PSTK: variants seen among roughly 807,000 people sequenced by gnomAD.
PSTK encodes the protein phosphoseryl-tRNA kinase.
PSTK carries 26 observed loss-of-function variants against 38.6 expected under a neutral mutation model. The observed-to-expected ratio is 0.67, with a 90% CI of 0.49 to 0.94. PSTK has a LOEUF of 0.94. Ranked by LOEUF, PSTK falls within the 40% of genes least tolerant of loss-of-function variation. PSTK has a pLI of 0.00. For missense variants in PSTK, 445 were observed against 436.3 expected, an observed-to-expected ratio of 1.02 and a Z score of -0.18; for synonymous variants, 181 against 161.7, an observed-to-expected ratio of 1.12 and a Z score of -0.91.
chr10:122,986,930 G>T lies in PSTK; in HGVS notation c.845G>T (p.Arg282Met), dbSNP rs1849042080. 6.2e-7 allele frequency: 1 copy of T among 1,612,608 alleles called. No individual in the cohort carries two copies. Among genetic ancestry groups the T allele is most frequent in the Non-Finnish European group, 8.5e-7 (1 of 1,178,866 alleles). The stretch of plus-strand genomic sequence containing the variant: ...CATAAAACTGATCAGACACTCCGAA[G>T]GATTGTATCTCAGACAATGAAGGAA... The part of the protein sequence containing the change: ...ILHKTDQTLR[R>M]IVSQTMKEAK... The change falls in exon 5 of 6, where the codon AGG (arginine) becomes ATG (methionine). Residue 282 changes from arginine to methionine, a missense_variant. Arg to Met is a moderately conservative substitution (Grantham distance 91). Coordinates refer to ENST00000406217, the MANE Select transcript of PSTK (RefSeq NM_001363531.2).
At position 122,980,852 on chromosome 10, in the gene PSTK, C is replaced by A. The variant is rs1848951334; in HGVS notation, c.216+157C>A. 1.0e-6 allele frequency: 1 copy of A among 980,722 alleles called. No homozygotes were observed. Among genetic ancestry groups the A allele is most frequent in the Non-Finnish European group, 1.2e-6 (1 of 825,788 alleles). 60.8% of individuals were successfully genotyped at this position (980,722 alleles called of 1,614,324 possible). A position where few individuals can be genotyped will look rare whatever the true frequency, so the allele number is the denominator to read the frequency against. ...TTCGAGAAAAGTGGAGCTGGGTTAA[C>A]ATAGTTACTGCAGAGGGTGAATGCG... is the stretch of plus-strand genomic sequence containing the variant. On this transcript the variant is annotated intron_variant, in intron 1 of 5. Transcript: ENST00000406217. The surrounding 1 kb of genome is among the most constrained non-coding windows in gnomAD (Gnocchi z 4.3).
At position 122,982,759 on chromosome 10, in the gene PSTK, G is replaced by A; in HGVS notation, c.243G>A (p.Gln81=). 3 of 1,614,194 alleles carry A rather than the reference G, an allele frequency of 1.9e-6. No individual in the cohort carries two copies. The highest frequency in any genetic ancestry group is 2.5e-6 in the Non-Finnish European group (3 of 1,180,018). ...CATCCCAATGGAAATTGCTTCGACA[G>A]GAACTGTTGAAGTACCTGGAATACT... The part of the protein sequence containing the change: ...PAPSQWKLLR[Q]ELLKYLEYFL... Residue 81 remains glutamine (Q), a synonymous_variant, in exon 2 of 6, where the codon CAG becomes CAA. Coordinates refer to ENST00000406217, the MANE Select transcript of PSTK (RefSeq NM_001363531.2).
chr10:122,988,288 A>G (rs1366269884), intron 5 of PSTK, among the ~76,000 whole-genome samples: 1 of 152,180 alleles, frequency 6.6e-6, no homozygotes, highest in Non-Finnish European at 1.5e-5. Flanking sequence ...TTTTCTGTCT[A>G]TAAAATGAAG....
In PSTK at chr10:122,986,955, A is replaced by C. The variant is rs779866177; in HGVS notation, c.870A>C (p.Glu290Asp). The C allele has an allele frequency of 6.2e-7, 1 of 1,604,226 alleles. No individual in the cohort carries two copies. Among genetic ancestry groups the C allele is most frequent in the South Asian group, 1.1e-5 (1 of 90,780 alleles). Residue 290 changes from glutamate (E) to aspartate (D), a missense_variant, in exon 5 of 6, where the codon GAA (glutamate) becomes GAC (aspartate). Transcript: ENST00000406217. ...LRRIVSQTMKEAKDEQVLPHN... is the reference protein window; with the variant it reads ...LRRIVSQTMKDAKDEQVLPHN... The stretch of plus-strand genomic sequence containing the variant: ...GGATTGTATCTCAGACAATGAAGGA[A>C]GCAAAAGGTATGATGTGTCAGTTAT...
intron 4 of PSTK, 95 bp from the exon 5 acceptor site, chr10:122,986,774 T>C (rs966871066): frequency 2.6e-6 from 2 of 780,764 alleles, no homozygotes; most frequent in Admixed American, 5.8e-5. Flanking sequence ...GCTTAAACTT[T>C]TCTTTTAGTC....
rs757513150 is a variant in PSTK at position 122,986,378 on chromosome 10, A to C, written c.783+3A>C. 7.5e-6 allele frequency: 12 copies of C among 1,590,870 alleles called. No homozygotes were observed. Among genetic ancestry groups the C allele is most frequent in the African/African-American group, 1.3e-5 (1 of 74,446 alleles). ...CTGAGGACAATATGGAACAAAAGGT[A>C]AACTTCCAGTGTAAATTTAATGTAA... On this transcript the variant is annotated splice_donor_region_variant and intron_variant, in intron 4 of 5. Transcript: ENST00000406217.
At position 122,986,989 on chromosome 10, in the gene PSTK, T is replaced by C. The variant is rs752786945; in HGVS notation, c.877+27T>C. The C allele has an allele frequency of 2.8e-6, 4 of 1,420,108 alleles. No individual in the cohort carries two copies. In the African/African-American group the frequency reaches 4.2e-5, roughly 15 times the overall value. 88.0% of individuals were successfully genotyped at this position (1,420,108 alleles called of 1,614,324 possible). ...TATGATGTGTCAGTTATGTGTTGAG[T>C]TGGTATGATTGTGACTTTCTACTGC... On this transcript the variant is annotated intron_variant, in intron 5 of 5. Coordinates refer to ENST00000406217, the MANE Select transcript of PSTK (RefSeq NM_001363531.2).
At chr10:122,987,911 C>G (rs942263686) in intron 5 of PSTK, among the ~76,000 whole-genome samples, 17 of 152,164 alleles carry the variant, frequency 1.1e-4, no homozygotes, top group Admixed American at 9.8e-4. Context: ...CCATTCTGCT[C>G]CCCTGCATCA....
rs1589706207 is a variant in PSTK, at chr10:122,982,590, A to T, written c.217-143A>T. 3 of 654,416 alleles carry T rather than the reference A, an allele frequency of 4.6e-6. No individual in the cohort carries two copies. The East Asian group carries it at 8.0e-5, about 18-fold the overall frequency. The allele number at this position is 654,416 out of a possible 1,614,324, so 40.5% of individuals were successfully genotyped here. ...CAGAAGGAATGGTATATATGGAGTCATGTGAAACCAGGTGTGTTAGAGAAC... is the reference window on the plus strand; with the variant it reads ...CAGAAGGAATGGTATATATGGAGTCTTGTGAAACCAGGTGTGTTAGAGAAC... On this transcript the variant is annotated intron_variant, in intron 1 of 5. Coordinates refer to ENST00000406217, the MANE Select transcript of PSTK (RefSeq NM_001363531.2).
chr10:122,990,078 A>C (rs983405947), intron 5 of PSTK, 96 bp from the exon 6 acceptor site: 12 of 796,032 alleles, frequency 1.5e-5, no homozygotes, highest in Non-Finnish European at 2.4e-5. Context: ...ATAGAATCTA[A>C]CTGGTTTGTT....
At position 122,983,535 on chromosome 10, in the gene PSTK, T is replaced by C. The variant is rs1848995916; in HGVS notation, c.707+65T>C. ...GCCAGGTATCATGGTCAGTGCTTTG[T>C]CTATGTTGGTTTAGTTAGTCCTCAC... is the stretch of plus-strand genomic sequence containing the variant. On this transcript the variant is annotated intron_variant, in intron 3 of 5. Transcript: ENST00000406217. 2.1e-6 allele frequency: 3 copies of C among 1,443,110 alleles called. No individual in the cohort carries two copies. The Admixed American group carries it at 5.4e-5, about 26-fold the overall frequency. The allele number at this position is 1,443,110 out of a possible 1,614,324, so 89.4% of individuals were successfully genotyped here. A position where few individuals can be genotyped will look rare whatever the true frequency, so the allele number is the denominator to read the frequency against.
intron 5 of PSTK, chr10:122,987,253 ACATGAG>A: frequency 6.7e-7 from 1 of 1,497,986 alleles, no homozygotes. Context: ...AAACATGATT[ACATGAG>A]TATATGCCCA....
At chr10:122,984,582 GT>G (rs1288193200) in intron 3 of PSTK, 4 of 152,316 alleles carry the variant, frequency 2.6e-5, no homozygotes, top group Non-Finnish European at 4.4e-5. Flanking sequence ...ACTGGGTGCA[GT>G]GGCTCACACC....
At chr10:122,983,541 T>C (rs760238688) in intron 3 of PSTK, 71 bp downstream of exon 3, 14 of 1,370,682 alleles carry the variant, frequency 1.0e-5, no homozygotes, top group East Asian at 6.9e-5. Flanking sequence ...TTTGTCTATG[T>C]TGGTTTAGTT....
At position 122,980,860 on chromosome 10, in the gene PSTK, C is replaced by A. The variant is rs907217854; in HGVS notation, c.216+165C>A. 1 of 974,814 alleles carries A rather than the reference C, an allele frequency of 1.0e-6. No individual in the cohort carries two copies. Among genetic ancestry groups the A allele is most frequent in the Non-Finnish European group, 1.2e-6 (1 of 820,426 alleles). The allele number at this position is 974,814 out of a possible 1,614,324, so 60.4% of individuals were successfully genotyped here. ...AAGTGGAGCTGGGTTAACATAGTTACTGCAGAGGGTGAATGCGTTGGCTGT... is the reference window on the plus strand; with the variant it reads ...AAGTGGAGCTGGGTTAACATAGTTAATGCAGAGGGTGAATGCGTTGGCTGT... On this transcript the variant is annotated intron_variant, in intron 1 of 5. Coordinates refer to ENST00000406217, the MANE Select transcript of PSTK (RefSeq NM_001363531.2). The surrounding 1 kb of genome is among the most constrained non-coding windows in gnomAD (Gnocchi z 4.3).
Position 122,983,825 on chromosome 10 carries a change from G to A in PSTK, c.707+355G>A, listed in dbSNP as rs573573958. Reference sequence around the variant, plus strand: ...CTGTGAAAGAGTGCAACAGGTACTGGGTCCTATTTGCCTTAGAGCTCACCA... The same window carrying A: ...CTGTGAAAGAGTGCAACAGGTACTGAGTCCTATTTGCCTTAGAGCTCACCA... On this transcript the variant is annotated intron_variant, in intron 3 of 5. Transcript: ENST00000406217. 1.3e-3 allele frequency: 289 copies of A among 227,936 alleles called. 1 individual carries two copies. The highest frequency in any genetic ancestry group is 2.1e-3 in the Non-Finnish European group (243 of 113,710). The allele number at this position is 227,936 out of a possible 1,614,324, so 14.1% of individuals were successfully genotyped here. A position where few individuals can be genotyped will look rare whatever the true frequency, so the allele number is the denominator to read the frequency against.
At position 122,982,868 on chromosome 10, in the gene PSTK, T is replaced by C; in HGVS notation, c.352T>C (p.Leu118=). ...CATGTGGGAAGATTTTATAACCTGC[T>C]TAAAGGATCAAGATCTGATATTTTC... The part of the protein sequence containing the change: ...EAMWEDFITC[L]KDQDLIFSAA... Residue 118 remains leucine, a synonymous_variant, in exon 2 of 6, where the codon TTA becomes CTA. Coordinates refer to ENST00000406217, the MANE Select transcript of PSTK (RefSeq NM_001363531.2). 5 of 1,614,212 alleles carry C rather than the reference T, an allele frequency of 3.1e-6. No homozygotes were observed. Among genetic ancestry groups the C allele is most frequent in the Non-Finnish European group, 4.2e-6 (5 of 1,180,032 alleles).
At position 122,980,606 on chromosome 10, in the gene PSTK, C is replaced by T; in HGVS notation, c.127C>T (p.Gln43Ter). The change falls in exon 1 of 6, where the codon CAG becomes TAG. Residue 43 changes from glutamine to a stop codon, truncating the protein, a stop_gained. Transcript: ENST00000406217. LOFTEE classifies it high-confidence loss of function. This position sits in a 1 kb window ranked among gnomAD's most constrained non-coding sequence, Gnocchi z 4.3. ...TFARALAHRL[Q>*]QEQGWAIGVV... ...CGCGCGCGCCCTCGCCCACCGGCTG[C>T]AGCAGGAGCAGGGTTGGGCCATCGG... is the stretch of plus-strand genomic sequence containing the variant. The T allele has an allele frequency of 1.2e-6, 2 of 1,612,170 alleles. No homozygotes were observed. The highest frequency in any genetic ancestry group is 1.7e-6 in the Non-Finnish European group (2 of 1,179,626).
intron 1 of PSTK, chr10:122,982,223 C>G (rs1848968708): frequency 6.6e-6 from 1 of 152,662 alleles, no homozygotes; most frequent in Non-Finnish European, 1.5e-5. Flanking sequence ...TTTCCCATTT[C>G]AGGGGAAAAC....
Sources: allele counts gnomAD v4.1 joint callset (sites outside exome capture counted in the v4.1 genomes callset), GRCh38; gene constraint gnomAD v4.1.1; non-coding constraint Gnocchi (gnomAD v3.1); transcripts MANE v1.5; gene names NCBI Gene and HGNC (gene_info 2026-07-23, HGNC 2026-07-21).